GREB1: variants seen among roughly 807,000 people sequenced by gnomAD.
GREB1 encodes protein GREB1.
In GREB1, 106 loss-of-function variants were observed where a neutral mutation model predicts 200.7. That is an observed-to-expected ratio of 0.53 (90% confidence interval 0.45 to 0.62). The LOEUF is 0.62. GREB1 is among the 20% of genes least tolerant of loss of function. GREB1 has a pLI of 0.00. For missense variants in GREB1, 2,243 were observed against 2,556.8 expected (o/e 0.88, Z 2.65); for synonymous variants, 1,132 against 1,092.4 (o/e 1.04, Z -0.72).
chr2:11,570,809 A>G (rs528186593), intron 4 of GREB1, among the ~76,000 whole-genome samples: 60 of 152,348 alleles, frequency 3.9e-4, no homozygotes, highest in African/African-American at 1.3e-3. Context: ...AACTTATTGC[A>G]GGATTCTAGA....
rs146664062 is a variant in GREB1, at chr2:11,589,969, G to A, written c.1345+1038G>A. ...GCCTTGAGTCCCAGGAGAGGTGGAG[G>A]CTCTAGGTATACATTTAAGACACAC... On this transcript the variant is annotated intron_variant, in intron 10 of 32. Transcript: ENST00000381486. 6.2e-3 allele frequency among the ~76,000 whole-genome samples: 944 copies of A among 152,218 alleles called. 10 individuals carry two copies. Among genetic ancestry groups the A allele is most frequent in the African/African-American group, 0.021 (882 of 41,530 alleles).
intron 3 of GREB1, among the ~76,000 whole-genome samples, chr2:11,563,970 G>T (rs1417188502): frequency 6.6e-6 from 1 of 152,136 alleles, no homozygotes; most frequent in Non-Finnish European, 1.5e-5. Context: ...AGAGAGTTTT[G>T]GGAAGGCTTC....
At chr2:11,571,180 C>G (rs1284137285) in intron 4 of GREB1, among the ~76,000 whole-genome samples, 3 of 151,958 alleles carry the variant, frequency 2.0e-5, no homozygotes, top group Non-Finnish European at 4.4e-5. Context: ...CAAAGATGAT[C>G]TTATTTTTGT....
At position 11,612,519 on chromosome 2, in the gene GREB1, G is replaced by C; in HGVS notation, c.3031G>C (p.Glu1011Gln). Residue 1011 changes from glutamate to glutamine, a missense_variant, in exon 19 of 33, where the codon GAG becomes CAG. Physicochemically the swap from Glu to Gln is conservative, Grantham distance 29. Around this residue, in one of 3 missense-constraint regions of GREB1, gnomAD observed 1,178 missense variants for 1,387.4 expected, o/e 0.85. Coordinates refer to ENST00000381486, the MANE Select transcript of GREB1 (RefSeq NM_014668.4). ...GATGTGGCAGAAAATTGAGGATGTG[G>C]AGTGGAGACCCCAGACTTACTTGGA... ...LRMWQKIEDV[E>Q]WRPQTYLELE... 1.2e-6 allele frequency: 2 copies of C among 1,612,060 alleles called. No homozygotes were observed. Among genetic ancestry groups the C allele is most frequent in the Non-Finnish European group, 8.5e-7 (1 of 1,178,682 alleles).
At chr2:11,531,509 GA>G (rs199595510), upstream of GREB1, among the ~76,000 whole-genome samples, 1,069 of 151,016 alleles carry the variant, frequency 7.1e-3, 20 homozygotes, top group African/African-American at 0.024. Context: ...TTAGAAACAA[GA>G]AAAAAAAATT....
At position 11,585,209 on chromosome 2, in the gene GREB1, C is replaced by G; in HGVS notation, c.950C>G (p.Ser317Cys). 2 of 1,586,684 alleles carry G rather than the reference C, an allele frequency of 1.3e-6. No homozygotes were observed. Among genetic ancestry groups the G allele is most frequent in the Non-Finnish European group, 1.7e-6 (2 of 1,169,002 alleles). ...GPPKKRHKGW[S>C]PESPSAPDGG... is the part of the protein sequence containing the mutation. ...CCCAAAAAACGCCACAAAGGGTGGT[C>G]TCCAGAATCTCCATCAGCTCCAGAT... The change falls in exon 8 of 33, where the codon TCT becomes TGT. Residue 317 changes from serine to cysteine, a missense_variant. Ser to Cys is a moderately radical substitution (Grantham distance 112). This residue lies in a region of GREB1 where 1,178 missense variants were observed against 1,387.4 expected (regional missense o/e 0.85). Transcript: ENST00000381486.
intron 5 of GREB1, among the ~76,000 whole-genome samples, chr2:11,577,113 A>G (rs187390554): frequency 7.2e-5 from 11 of 152,114 alleles, no homozygotes; most frequent in East Asian, 5.8e-4. Context: ...TATGGCAAGT[A>G]TTTGGGGCAG....
In GREB1 at chr2:11,493,756, G is replaced by A. The variant is rs1353760271; in HGVS notation, c.-159+11375G>A. 2.6e-5 allele frequency among the ~76,000 whole-genome samples: 4 copies of A among 152,288 alleles called. No homozygotes were observed. In the East Asian group the frequency reaches 7.7e-4, roughly 29 times the overall value. On this transcript the variant is annotated intron_variant, in intron 1 of 2. Transcript: ENST00000628795. This position sits in a 1 kb window ranked among gnomAD's most constrained non-coding sequence, Gnocchi z 4.6. The stretch of plus-strand genomic sequence containing the variant: ...TTCTTTTGACCAGTAAGTCCTTATT[G>A]AATGTTTGCTCTGTGCCAGGCATGG...
chr2:11,610,245 C>A (rs1461341519), intron 17 of GREB1, among the ~76,000 whole-genome samples: 3 of 152,204 alleles, frequency 2.0e-5, no homozygotes, highest in Non-Finnish European at 4.4e-5. Context: ...GCCTTTAGAA[C>A]TCGGGCCTCC....
intron 9 of GREB1, chr2:11,587,570 A>G: frequency 6.6e-7 from 1 of 1,512,456 alleles, no homozygotes; most frequent in Non-Finnish European, 8.9e-7. Flanking sequence ...GTCTTTGAGA[A>G]CGTGACCTGT....
intron 19 of GREB1, among the ~76,000 whole-genome samples, chr2:11,613,751 G>C (rs1683141030): frequency 6.6e-6 from 1 of 152,132 alleles, no homozygotes; most frequent in Admixed American, 6.5e-5. Flanking sequence ...GTACCTTCTG[G>C]TACCTTCTTT....
chr2:11,531,444 C>G (rs1194466184), upstream of GREB1, among the ~76,000 whole-genome samples: 1 of 151,590 alleles, frequency 6.6e-6, no homozygotes, highest in South Asian at 2.1e-4. Context: ...CCCAAAAAAG[C>G]TGTTTATAAA....
chr2:11,524,923 G>A (rs776177038), intron 1 of GREB1, among the ~76,000 whole-genome samples: 2 of 152,200 alleles, frequency 1.3e-5, no homozygotes, highest in Non-Finnish European at 1.5e-5. Flanking sequence ...TTCTAGAAAC[G>A]CTGTTGTTTT....
At chr2:11,581,970 G>A (rs1679533041) in intron 7 of GREB1, among the ~76,000 whole-genome samples, 1 of 152,234 alleles carries the variant, frequency 6.6e-6, no homozygotes, top group South Asian at 2.1e-4. Flanking sequence ...ACCCACAGCA[G>A]CCAAGACCCA....
chr2:11,618,620 T>C lies in GREB1; in HGVS notation c.3745T>C (p.Leu1249=), dbSNP rs753235019. 8.7e-6 allele frequency: 14 copies of C among 1,613,222 alleles called. No homozygotes were observed. The highest frequency in any genetic ancestry group is 1.7e-5 in the Admixed American group (1 of 59,990). ...GGTCCTGCAGGCCTCCCAGTGCTCC[T>C]TGACCAAGGCCTGCCGCCAGCCACC... ...TWVLQASQCS[L]TKACRQPPIV... The change falls in exon 22 of 33, where the codon TTG becomes CTG. Residue 1249 remains leucine, a synonymous_variant. Transcript: ENST00000381486.
In GREB1 at chr2:11,635,416, C is replaced by T. The variant is rs769482970; in HGVS notation, c.5346+11C>T. The T allele has an allele frequency of 8.8e-6, 14 of 1,596,562 alleles. No homozygotes were observed. The highest frequency in any genetic ancestry group is 3.4e-5 in the South Asian group (3 of 87,160). On this transcript the variant is annotated intron_variant, in intron 30 of 32. Transcript: ENST00000381486. ...CACATCACATCCAAGGTGAGCTCCT[C>T]GCTGCTGGGCAGGCCTCTATGTCCA...
At position 11,566,476 on chromosome 2, in the gene GREB1, C is replaced by G. The variant is rs367756043; in HGVS notation, c.278-4C>G. On this transcript the variant is annotated splice_polypyrimidine_tract_variant and splice_region_variant and intron_variant, in intron 3 of 32. Coordinates refer to ENST00000381486, the MANE Select transcript of GREB1 (RefSeq NM_014668.4). Reference sequence around the variant, plus strand: ...AGCGTGTGAACCCTGTCCACCCCTCCTAGGGTTTTGCCAGGCCGGGAAGGA... The same window carrying G: ...AGCGTGTGAACCCTGTCCACCCCTCGTAGGGTTTTGCCAGGCCGGGAAGGA... The G allele has an allele frequency of 5.0e-6, 8 of 1,604,326 alleles. No individual in the cohort carries two copies. Among genetic ancestry groups the G allele is most frequent in the African/African-American group, 1.3e-5 (1 of 74,734 alleles).
chr2:11,621,257 T>C (rs1683991931), intron 23 of GREB1, among the ~76,000 whole-genome samples: 1 of 152,192 alleles, frequency 6.6e-6, no homozygotes. Flanking sequence ...AGCGCTGACC[T>C]AGATACTTTG....
chr2:11,637,672 G>A (rs540737368), intron 30 of GREB1, 44 bp from the exon 31 acceptor site: 103 of 1,588,246 alleles, frequency 6.5e-5, no homozygotes, highest in African/African-American at 1.1e-4. Flanking sequence ...GAAGGTCCTC[G>A]CCCCTCAGGG....
Sources: allele counts gnomAD v4.1 joint callset (sites outside exome capture counted in the v4.1 genomes callset), GRCh38; gene constraint gnomAD v4.1.1; regional missense constraint gnomAD v4.1.1; non-coding constraint Gnocchi (gnomAD v3.1); transcripts MANE v1.5; gene names NCBI Gene and HGNC (gene_info 2026-07-23, HGNC 2026-07-21).